The following PPY variants were observed in gnomAD, a reference collection of about 807,000 sequenced individuals.
The protein encoded by PPY is pancreatic polypeptide prohormone.
Under a neutral mutation model 9.3 loss-of-function variants are expected in PPY, and 6 were observed. The ratio of observed to expected loss-of-function variants is 0.64; its 90% CI spans 0.35 to 1.27. The LOEUF is 1.27. Ranked by LOEUF, PPY falls within the 50% of genes most tolerant of loss-of-function variation. The probability of loss-of-function intolerance (pLI) is 0.03; values close to 1 mark genes in which losing one functional copy is unlikely to be tolerated. For missense variants in PPY, 109 were observed against 119.1 expected (o/e 0.91, Z 0.40); for synonymous variants, 58 against 54.6 (o/e 1.06, Z -0.27).
At chr17:43,941,410 A>T in intron 2 of PPY, 54 bp downstream of exon 2, 1 of 1,606,522 alleles carries the variant, frequency 6.2e-7, no homozygotes, top group East Asian at 2.2e-5. Flanking sequence ...AGGAATGTGG[A>T]GTGGGCCCAG....
chr17:43,943,533 A>T (rs1464817947), upstream of PPY, among the ~76,000 whole-genome samples: 1 of 152,148 alleles, frequency 6.6e-6, no homozygotes, highest in Non-Finnish European at 1.5e-5. Flanking sequence ...GAAGCCCCTG[A>T]GTCTCCCCTG....
Position 43,941,187 on chromosome 17 carries a change from C to T in PPY, c.219G>A (p.Thr73=), listed in dbSNP as rs543324383. Residue 73 remains threonine, a synonymous_variant, in exon 3 of 4, where the codon ACG becomes ACA. Coordinates refer to ENST00000225992, the MANE Select transcript of PPY (RefSeq NM_002722.5). ...PRYGKRHKED[T]LAFSEWGSPH... is the part of the protein sequence containing the mutation. ...GGGACCCCCACTCCGAGAAGGCCAG[C>T]GTGTCCTCTTTGTGTCTTTTCCCAT... The T allele has an allele frequency of 1.3e-5, 20 of 1,551,696 alleles. No homozygotes were observed. The highest frequency in any genetic ancestry group is 8.2e-5 in the African/African-American group (6 of 73,172).
In PPY at chr17:43,941,499, A is replaced by T. The variant is rs766485429; in HGVS notation, c.156T>A (p.Asp52Glu). ...TPEQMAQYAADLRRYINMLTR... is the reference protein window; with the variant it reads ...TPEQMAQYAAELRRYINMLTR... ...TCAGCATGTTGATGTATCTACGGAG[A>T]TCAGCTGCATACTGGGCCATCTGCT... is the stretch of plus-strand genomic sequence containing the variant. Residue 52 changes from aspartate (D) to glutamate (E), a missense_variant, in exon 2 of 4, where the codon GAT (aspartate) becomes GAA (glutamate). Asp to Glu is a conservative substitution (Grantham distance 45). Transcript: ENST00000225992. 4.8e-5 allele frequency: 78 copies of T among 1,613,828 alleles called. No homozygotes were observed. Among genetic ancestry groups the T allele is most frequent in the Non-Finnish European group, 6.4e-5 (76 of 1,180,008 alleles).
In PPY at chr17:43,941,162, G is replaced by C. The variant is rs1164161391; in HGVS notation, c.244C>G (p.Pro82Ala). 3.9e-6 allele frequency: 6 copies of C among 1,551,556 alleles called. No homozygotes were observed. Among genetic ancestry groups the C allele is most frequent in the Non-Finnish European group, 5.2e-6 (6 of 1,147,010 alleles). Residue 82 changes from proline (P) to alanine (A), a missense_variant, in exon 3 of 4, where the codon CCG becomes GCG. Coordinates refer to ENST00000225992, the MANE Select transcript of PPY (RefSeq NM_002722.5). ...ACTCACCTGGGGACAGCAGCATGCG[G>C]GGACCCCCACTCCGAGAAGGCCAGC... ...DTLAFSEWGSPHAAVPRELSP... is the reference protein window; with the variant it reads ...DTLAFSEWGSAHAAVPRELSP...
At chr17:43,941,048 AC>A in intron 3 of PPY, 94 bp downstream of exon 3, 4 of 1,544,376 alleles carry the variant, frequency 2.6e-6, no homozygotes, top group Non-Finnish European at 3.5e-6. Context: ...TCCCTCTTCC[AC>A]CCCCCACTAC....
chr17:43,943,624 G>C (rs1381033119), upstream of PPY, among the ~76,000 whole-genome samples: 1 of 152,186 alleles, frequency 6.6e-6, no homozygotes, highest in Non-Finnish European at 1.5e-5. Context: ...GAATGACACG[G>C]TGACACCAAG....
chr17:43,941,289 C>T, intron 2 of PPY, 75 bp from the exon 3 acceptor site: 2 of 1,518,780 alleles, frequency 1.3e-6, no homozygotes, highest in Non-Finnish European at 8.9e-7. Flanking sequence ...TGCCTGTAGG[C>T]ACCATCTTGC....
In PPY at chr17:43,941,481, G is replaced by A. The variant is rs1264822988; in HGVS notation, c.174C>T (p.Asn58=). The part of the protein sequence containing the change: ...QYAADLRRYI[N]MLTRPRYGKR... Reference sequence around the variant, plus strand: ...GCACACACCTAGGCCTGGTCAGCATGTTGATGTATCTACGGAGATCAGCTG... The same window carrying A: ...GCACACACCTAGGCCTGGTCAGCATATTGATGTATCTACGGAGATCAGCTG... Residue 58 remains asparagine (N), a synonymous_variant, in exon 2 of 4, where the codon AAC becomes AAT. Transcript: ENST00000225992. The A allele has an allele frequency of 6.2e-7, 1 of 1,613,954 alleles. No individual in the cohort carries two copies. Among genetic ancestry groups the A allele is most frequent in the Non-Finnish European group, 8.5e-7 (1 of 1,180,000 alleles).
intron 3 of PPY, 95 bp downstream of exon 3, chr17:43,941,048 A>AC (rs1401868982): frequency 9.7e-6 from 15 of 1,544,262 alleles, no homozygotes; most frequent in African/African-American, 2.8e-5. Context: ...TCCCTCTTCC[A>AC]CCCCCCACTA....
chr17:43,943,051 G>T (rs1258333206), upstream of PPY, among the ~76,000 whole-genome samples: 1 of 152,188 alleles, frequency 6.6e-6, no homozygotes, highest in Non-Finnish European at 1.5e-5. Context: ...AACCCATTTG[G>T]TGGGTGCATA....
At chr17:43,942,627 G>A (rs1315015378), upstream of PPY, among the ~76,000 whole-genome samples, 1 of 152,212 alleles carries the variant, frequency 6.6e-6, no homozygotes, top group Non-Finnish European at 1.5e-5. The surrounding 1 kb of genome is among the most constrained non-coding windows in gnomAD (Gnocchi z 5.3). Context: ...GACGGGAGGG[G>A]GACAGGGCAG....
chr17:43,942,840 A>C (rs2048587572), upstream of PPY, among the ~76,000 whole-genome samples: 1 of 152,150 alleles, frequency 6.6e-6, no homozygotes. This position sits in a 1 kb window ranked among gnomAD's most constrained non-coding sequence, Gnocchi z 5.3. Context: ...CCAAAGATCA[A>C]CCCAAATCAT....
At position 43,941,488 on chromosome 17, in the gene PPY, T is replaced by C; in HGVS notation, c.167A>G (p.Tyr56Cys). The C allele has an allele frequency of 6.2e-7, 1 of 1,613,982 alleles. No individual in the cohort carries two copies. Among genetic ancestry groups the C allele is most frequent in the Non-Finnish European group, 8.5e-7 (1 of 1,179,996 alleles). ...MAQYAADLRR[Y>C]INMLTRPRYG... Reference sequence around the variant, plus strand: ...CCTAGGCCTGGTCAGCATGTTGATGTATCTACGGAGATCAGCTGCATACTG... The same window carrying C: ...CCTAGGCCTGGTCAGCATGTTGATGCATCTACGGAGATCAGCTGCATACTG... The change falls in exon 2 of 4, where the codon TAC becomes TGC. Residue 56 changes from tyrosine to cysteine, a missense_variant. Physicochemically the swap from Tyr to Cys is radical, Grantham distance 194. Transcript: ENST00000225992.
At position 43,940,860 on chromosome 17, in the gene PPY, A is replaced by G. The variant is rs1486416340; in HGVS notation, c.*68T>C. On this transcript the variant is annotated 3_prime_UTR_variant, in exon 4 of 4. Coordinates refer to ENST00000225992, the MANE Select transcript of PPY (RefSeq NM_002722.5). ...GGAGCAGGGAGCAAGCTTTGGCCAG[A>G]GCCAAGGGTGCAGAGGGGAGAGCTG... The G allele has an allele frequency of 1.3e-6, 2 of 1,559,450 alleles. No individual in the cohort carries two copies. Among genetic ancestry groups the G allele is most frequent in the Non-Finnish European group, 1.7e-6 (2 of 1,147,466 alleles).
chr17:43,941,046 C>T (rs2048572077), intron 3 of PPY, 94 bp from the exon 4 acceptor site: 2 of 1,547,380 alleles, frequency 1.3e-6, no homozygotes, highest in Middle Eastern at 1.7e-4. Flanking sequence ...TCTCCCTCTT[C>T]CACCCCCCAC....
At chr17:43,941,810 T>A (rs1295876373) in intron 1 of PPY, among the ~76,000 whole-genome samples, 156 bp from the exon 2 acceptor site, 1 of 152,156 alleles carries the variant, frequency 6.6e-6, no homozygotes, top group Non-Finnish European at 1.5e-5. Flanking sequence ...AGCTGGCCAC[T>A]CCACCTCCTA....
At position 43,941,197 on chromosome 17, in the gene PPY, T is replaced by G. The variant is rs993572996; in HGVS notation, c.209A>C (p.Lys70Thr). 6.4e-7 allele frequency: 1 copy of G among 1,551,544 alleles called. No individual in the cohort carries two copies. The highest frequency in any genetic ancestry group is 1.4e-5 in the African/African-American group (1 of 73,120). ...LTRPRYGKRH[K>T]EDTLAFSEWG... is the part of the protein sequence containing the mutation. ...CTCCGAGAAGGCCAGCGTGTCCTCT[T>G]TGTGTCTTTTCCCATACCTGGGAGG... Residue 70 changes from lysine (K) to threonine (T), a missense_variant, in exon 3 of 4, where the codon AAA (lysine) becomes ACA (threonine). By Grantham distance (78) the Lys-to-Thr change is moderately conservative. Transcript: ENST00000225992.
At chr17:43,941,071 C>G in intron 3 of PPY, 72 bp downstream of exon 3, 1 of 1,547,066 alleles carries the variant, frequency 6.5e-7, no homozygotes, top group Non-Finnish European at 8.7e-7. Context: ...CCTTTCCAAG[C>G]CCTGATTCAG....
In PPY at chr17:43,940,847, A is replaced by G; in HGVS notation, c.*81T>C. On this transcript the variant is annotated 3_prime_UTR_variant, in exon 4 of 4. Transcript: ENST00000225992. The stretch of plus-strand genomic sequence containing the variant: ...TTGAGCCTGTGTGGGAGCAGGGAGC[A>G]AGCTTTGGCCAGAGCCAAGGGTGCA... 6.5e-7 allele frequency: 1 copy of G among 1,532,500 alleles called. No homozygotes were observed. The highest frequency in any genetic ancestry group is 1.2e-5 in the South Asian group (1 of 83,956). 94.9% of individuals were successfully genotyped at this position (1,532,500 alleles called of 1,614,324 possible).
Sources: gnomAD v4.1 joint callset for allele counts (sites outside exome capture counted in the v4.1 genomes callset) on GRCh38, gnomAD v4.1.1 for gene constraint, Gnocchi (gnomAD v3.1) non-coding constraint, MANE v1.5 for transcripts, NCBI Gene and HGNC (gene_info 2026-07-23, HGNC 2026-07-21) for gene names.